ZNF429: variants seen among roughly 807,000 people sequenced by gnomAD.
ZNF429 encodes the protein zinc finger protein 429.
A neutral mutation model predicts 56.8 loss-of-function variants in ZNF429; 53 were observed. The ratio of observed to expected loss-of-function variants is 0.93; its 90% CI spans 0.75 to 1.17. ZNF429 has a LOEUF of 1.17. Among genes scored for constraint, ZNF429 ranks in the 50% most tolerant of loss-of-function variants. ZNF429 has a pLI of 0.00. For missense variants in ZNF429, 849 were observed against 788.4 expected (o/e 1.08, Z -0.92); for synonymous variants, 278 against 264.7 (o/e 1.05, Z -0.49).
Position 21,538,320 on chromosome 19 carries a change from AG to A in ZNF429, c.*244del, listed in dbSNP as rs1000460288. Among the ~76,000 whole-genome samples, 3 of 127,536 alleles carry A rather than the reference AG, an allele frequency of 2.4e-5. No individual in the cohort carries two copies. The highest frequency in any genetic ancestry group is 8.4e-5 in the Admixed American group (1 of 11,886). The allele number at this position is 127,536 out of a possible 152,430, so 83.7% of individuals were successfully genotyped here. A position where few individuals can be genotyped will look rare whatever the true frequency, so the allele number is the denominator to read the frequency against. ...AAAAAGAAAAGAAAATTCATAGGCC[AG>A]GTATGGTGGCTCATGCCTGCCTGTA... is the stretch of plus-strand genomic sequence containing the variant. On this transcript the variant is annotated 3_prime_UTR_variant, in exon 4 of 4. Transcript: ENST00000358491.
rs59611982 is a variant in ZNF429 at position 21,539,587 on chromosome 19, A to AT, written c.*1524dup. Among the ~76,000 whole-genome samples the AT allele has an allele frequency of 0.028, 3,791 of 136,670 alleles. 115 individuals are homozygous for AT. The highest frequency in any genetic ancestry group is 0.068 in the African/African-American group (2,534 of 37,104). The allele number at this position is 136,670 out of a possible 152,430, so 89.7% of individuals were successfully genotyped here. ...CAGGCATACACCAGCATGTCTGGCT[A>AT]TTTTTTTTTTTTTTTGTATTTTTAG... On this transcript the variant is annotated 3_prime_UTR_variant, in exon 4 of 4. Coordinates refer to ENST00000358491, the MANE Select transcript of ZNF429 (RefSeq NM_001001415.4).
rs2033743084 is a variant in ZNF429 at position 21,537,435 on chromosome 19, C to T, written c.1382C>T (p.Ala461Val). Residue 461 changes from alanine to valine, a missense_variant, in exon 4 of 4, where the codon GCT becomes GTT. Physicochemically the swap from Ala to Val is moderately conservative, Grantham distance 64 (BLOSUM62 0). Coordinates refer to ENST00000358491, the MANE Select transcript of ZNF429 (RefSeq NM_001001415.4). The stretch of plus-strand genomic sequence containing the variant: ...TATAAATGTAACGAATGTGGCAAAG[C>T]TTTTAACCGGTCCTCACACCTTACT... ...KPYKCNECGK[A>V]FNRSSHLTSH... 6.2e-7 allele frequency: 1 copy of T among 1,613,508 alleles called. No homozygotes were observed. Among genetic ancestry groups the T allele is most frequent in the Non-Finnish European group, 8.5e-7 (1 of 1,179,874 alleles).
At chr19:21,535,116 C>T in intron 3 of ZNF429, among the ~76,000 whole-genome samples, 23 of 150,850 alleles carry the variant, frequency 1.5e-4, no homozygotes, top group Non-Finnish European at 2.5e-4. Context: ...CGTGAGCCAC[C>T]GCGCCCGGCC....
intron 1 of ZNF429, chr19:21,507,441 A>G (rs1482093415): frequency 1.3e-5 from 2 of 152,240 alleles, no homozygotes; most frequent in Non-Finnish European, 2.9e-5. Context: ...AATATTTTCC[A>G]TAAGAAGAAA....
In ZNF429 at chr19:21,538,373, G is replaced by C. The variant is rs182988303; in HGVS notation, c.*295G>C. 3.8e-4 allele frequency among the ~76,000 whole-genome samples: 58 copies of C among 151,816 alleles called. No individual in the cohort carries two copies. The East Asian group carries it at 0.01, about 26-fold the overall frequency. Reference sequence around the variant, plus strand: ...TCCCAGCACTTTGGGAGGCCGAGGCGGGTGGATCACGAGGTCAGGAGTTCA... The same window carrying C: ...TCCCAGCACTTTGGGAGGCCGAGGCCGGTGGATCACGAGGTCAGGAGTTCA... On this transcript the variant is annotated 3_prime_UTR_variant, in exon 4 of 4. Transcript: ENST00000358491.
chr19:21,537,249 T>A lies in ZNF429; in HGVS notation c.1196T>A (p.Phe399Tyr). The A allele has an allele frequency of 6.2e-7, 1 of 1,604,164 alleles. No homozygotes were observed. The highest frequency in any genetic ancestry group is 2.3e-5 in the East Asian group (1 of 44,266). The change falls in exon 4 of 4, where the codon TTT becomes TAT. Residue 399 changes from phenylalanine to tyrosine, a missense_variant. By Grantham distance (22) the Phe-to-Tyr change is conservative (BLOSUM62 3). Transcript: ENST00000358491. ...KIHTGEEPYK[F>Y]EKCGRVFTCS... The stretch of plus-strand genomic sequence containing the variant: ...CATACTGGAGAGGAACCCTACAAAT[T>A]TGAAAAATGTGGCAGAGTTTTTACC...
intron 1 of ZNF429, among the ~76,000 whole-genome samples, chr19:21,510,108 C>T (rs988079504): frequency 7.2e-5 from 11 of 152,062 alleles, no homozygotes; most frequent in African/African-American, 2.4e-4. Context: ...GGGGTTTCAC[C>T]ATGTTGGCCA....
rs989314970 is a variant in ZNF429, at chr19:21,540,024, CTG to C, written c.*1948_*1949del. On this transcript the variant is annotated 3_prime_UTR_variant, in exon 4 of 4. Coordinates refer to ENST00000358491, the MANE Select transcript of ZNF429 (RefSeq NM_001001415.4). ...GGTCGATGTTCAGAGTAATATGCCT[CTG>C]TATTACAGTGATAGAAAATATTTTT... 2.6e-5 allele frequency among the ~76,000 whole-genome samples: 4 copies of C among 151,944 alleles called. No homozygotes were observed. Among genetic ancestry groups the C allele is most frequent in the Non-Finnish European group, 4.4e-5 (3 of 68,012 alleles).
In ZNF429 at chr19:21,536,533, A is replaced by G; in HGVS notation, c.480A>G (p.Ala160=). The change falls in exon 4 of 4, where the codon GCA becomes GCG. Residue 160 remains alanine, a synonymous_variant. Transcript: ENST00000358491. ...YVKVFYAFSN[A]DRYKTRHTGK... ...AAGTCTTTTATGCATTTTCAAATGC[A>G]GATAGATACAAGACAAGACATACTG... 2 of 1,612,990 alleles carry G rather than the reference A, an allele frequency of 1.2e-6. No homozygotes were observed. Among genetic ancestry groups the G allele is most frequent in the Non-Finnish European group, 1.7e-6 (2 of 1,179,568 alleles).
At chr19:21,505,904 G>C in intron 1 of ZNF429, 130 bp downstream of exon 1, 1 of 1,051,670 alleles carries the variant, frequency 9.5e-7, no homozygotes, top group Non-Finnish European at 1.4e-6. Context: ...TCCTTGCCCA[G>C]CTCGGCTTCA....
intron 1 of ZNF429, among the ~76,000 whole-genome samples, chr19:21,510,553 G>A (rs2032402838): frequency 6.6e-6 from 1 of 152,124 alleles, no homozygotes; most frequent in East Asian, 1.9e-4. Flanking sequence ...GCTGCTGGTT[G>A]ACCACTTTAT....
intron 2 of ZNF429, among the ~76,000 whole-genome samples, 180 bp downstream of exon 2, chr19:21,529,964 A>G: frequency 0.2 from 29,843 of 152,042 alleles, 3,017 homozygotes; most frequent in African/African-American, 0.22. Context: ...TTGGGAGGCC[A>G]AGGCGGGTGG....
Position 21,537,881 on chromosome 19 carries a change from C to T in ZNF429, c.1828C>T (p.Gln610Ter). Residue 610 changes from glutamine (Q) to a stop codon, truncating the protein, a stop_gained, in exon 4 of 4, where the codon CAA (glutamine) becomes TAA (stop). Transcript: ENST00000358491. LOFTEE classifies it high-confidence loss of function. Reference sequence around the variant, plus strand: ...TTTTAATCGGTCCTCAAGACTTACTCAACATAAGAAAATTCATACTAGAGA... The same window carrying T: ...TTTTAATCGGTCCTCAAGACTTACTTAACATAAGAAAATTCATACTAGAGA... ...KAFNRSSRLT[Q>*]HKKIHTREKP... 6.2e-7 allele frequency: 1 copy of T among 1,613,818 alleles called. No individual in the cohort carries two copies. Among genetic ancestry groups the T allele is most frequent in the Admixed American group, 1.7e-5 (1 of 59,978 alleles).
chr19:21,521,278 T>C (rs1266471412), intron 1 of ZNF429: 1 of 152,224 alleles, frequency 6.6e-6, no homozygotes, highest in African/African-American at 2.4e-5. Flanking sequence ...AATAGCTCTT[T>C]AGTTAACTAT....
rs916444980 is a variant in ZNF429 at position 21,540,366 on chromosome 19, A to T, written c.*2288A>T. 3.3e-5 allele frequency among the ~76,000 whole-genome samples: 5 copies of T among 152,052 alleles called. No individual in the cohort carries two copies. Among genetic ancestry groups the T allele is most frequent in the Non-Finnish European group, 7.4e-5 (5 of 67,978 alleles). On this transcript the variant is annotated 3_prime_UTR_variant, in exon 4 of 4. Transcript: ENST00000358491. ...AGTTAATATTGTTCCCATAGGTTAA[A>T]TATTTATCCTTTTTTTGATATTTAA...
At position 21,538,622 on chromosome 19, in the gene ZNF429, G is replaced by A. The variant is rs531564846; in HGVS notation, c.*544G>A. 28 of 151,916 alleles carry A rather than the reference G, an allele frequency of 1.8e-4. No homozygotes were observed. Among genetic ancestry groups the A allele is most frequent in the African/African-American group, 6.8e-4 (28 of 41,386 alleles). 9.4% of individuals were successfully genotyped at this position (151,916 alleles called of 1,614,324 possible). A position where few individuals can be genotyped will look rare whatever the true frequency, so the allele number is the denominator to read the frequency against. On this transcript the variant is annotated 3_prime_UTR_variant, in exon 4 of 4. Transcript: ENST00000358491. ...CTAAAAAATATATAAATAAATAAAA[G>A]AAAGAAAATTCATAGTAGAGAGAAA...
In ZNF429 at chr19:21,529,341, T is replaced by G. The variant is rs532587034; in HGVS notation, c.4-317T>G. On this transcript the variant is annotated intron_variant, in intron 1 of 3. Coordinates refer to ENST00000358491, the MANE Select transcript of ZNF429 (RefSeq NM_001001415.4). ...AATATACACAACTCATTCTGTAAGA[T>G]GTAAACATAGCACTCAAAAATGTAT... 154 of 213,048 alleles carry G rather than the reference T, an allele frequency of 7.2e-4. 2 individuals carry two copies. In the South Asian group the frequency reaches 9.8e-3, roughly 14 times the overall value. 13.2% of individuals were successfully genotyped at this position (213,048 alleles called of 1,614,324 possible). A position where few individuals can be genotyped will look rare whatever the true frequency, so the allele number is the denominator to read the frequency against.
chr19:21,520,271 G>C (rs2032943716), intron 1 of ZNF429, among the ~76,000 whole-genome samples: 1 of 152,150 alleles, frequency 6.6e-6, no homozygotes, highest in Admixed American at 6.5e-5. Context: ...CCTGAATCCA[G>C]TGTCTCCTAA....
In ZNF429 at chr19:21,536,957, A is replaced by G; in HGVS notation, c.904A>G (p.Lys302Glu). The change falls in exon 4 of 4, where the codon AAA (lysine) becomes GAA (glutamate). Residue 302 changes from lysine to glutamate, a missense_variant. Transcript: ENST00000358491. ...CTTTAGCATATCCTCAACCTTTACTAAACATAAGATAATTCATACTGAAGA... is the reference window on the plus strand; with the variant it reads ...CTTTAGCATATCCTCAACCTTTACTGAACATAAGATAATTCATACTGAAGA... ...KTFSISSTFT[K>E]HKIIHTEEKP... is the part of the protein sequence containing the mutation. The G allele has an allele frequency of 6.2e-7, 1 of 1,613,798 alleles. No individual in the cohort carries two copies. The highest frequency in any genetic ancestry group is 8.5e-7 in the Non-Finnish European group (1 of 1,179,934).
Sources: allele counts gnomAD v4.1 joint callset (sites outside exome capture counted in the v4.1 genomes callset), GRCh38; gene constraint gnomAD v4.1.1; transcripts MANE v1.5; gene names NCBI Gene and HGNC (gene_info 2026-07-23, HGNC 2026-07-21).